Variants in GMDS observed in about 807,000 individuals in gnomAD.
The protein encoded by GMDS is GDP-mannose 4,6 dehydratase.
GMDS carries 20 observed loss-of-function variants against 49.9 expected under a neutral mutation model. The observed-to-expected ratio is 0.40, with a 90% CI of 0.28 to 0.58. The LOEUF (loss-of-function observed/expected upper bound fraction) is 0.58. GMDS is among the 20% of genes least tolerant of loss of function. GMDS has a pLI of 0.42. For missense variants in GMDS, 362 were observed against 481.4 expected (o/e 0.75, Z 2.32); for synonymous variants, 177 against 178.6 (o/e 0.99, Z 0.07).
At position 1,664,217 on chromosome 6, in the gene GMDS, G is replaced by A. The variant is rs75853409; in HGVS notation, c.988-39677C>T. On this transcript the variant is annotated intron_variant, in intron 9 of 10. Transcript: ENST00000380815. The stretch of plus-strand genomic sequence containing the variant: ...ATCTTTATCATTTCTCTGTAAGGCC[G>A]AGAATCTGCCCTTTGCTACTTGAAT... Among the ~76,000 whole-genome samples, 503 of 152,254 alleles carry A rather than the reference G, an allele frequency of 3.3e-3. 15 individuals carry two copies. In the East Asian group the frequency reaches 0.076, roughly 23 times the overall value.
At chr6:2,171,030 T>C (rs1777980936) in intron 1 of GMDS, among the ~76,000 whole-genome samples, 1 of 152,086 alleles carries the variant, frequency 6.6e-6, no homozygotes, top group South Asian at 2.1e-4. Context: ...AACAAGTATG[T>C]ATCAGACTGA....
intron 4 of GMDS, among the ~76,000 whole-genome samples, chr6:2,066,063 C>T (rs999731044): frequency 2.0e-5 from 3 of 151,928 alleles, no homozygotes; most frequent in Admixed American, 1.3e-4. Context: ...TCAGACTAAG[C>T]GGATCTCTCG....
intron 7 of GMDS, among the ~76,000 whole-genome samples, chr6:1,752,334 G>C (rs1187948505): frequency 1.3e-5 from 2 of 152,124 alleles, no homozygotes; most frequent in Non-Finnish European, 2.9e-5. Flanking sequence ...CAAGATTAGA[G>C]AAAAAAGAAT....
intron 7 of GMDS, among the ~76,000 whole-genome samples, chr6:1,854,657 T>G (rs957134580): frequency 6.6e-6 from 1 of 152,186 alleles, no homozygotes; most frequent in South Asian, 2.1e-4. Context: ...GCCATTCTCA[T>G]TCAGCATGTG....
At chr6:2,132,705 CATGA>C (rs1294334047) in intron 1 of GMDS, among the ~76,000 whole-genome samples, 1 of 152,176 alleles carries the variant, frequency 6.6e-6, no homozygotes, top group East Asian at 1.9e-4. Flanking sequence ...ACCACACGAG[CATGA>C]AATCAGGATT....
chr6:1,663,904 G>A (rs149821673), intron 9 of GMDS, among the ~76,000 whole-genome samples: 1 of 152,212 alleles, frequency 6.6e-6, no homozygotes, highest in Non-Finnish European at 1.5e-5. Flanking sequence ...CTGTATGAAT[G>A]GGAGCATGTA....
At chr6:1,787,023 C>T (rs13218987) in intron 7 of GMDS, among the ~76,000 whole-genome samples, 2 of 152,172 alleles carry the variant, frequency 1.3e-5, no homozygotes, top group Non-Finnish European at 2.9e-5. Flanking sequence ...CGCAGCCACT[C>T]ATGACTCTCC....
chr6:1,845,838 A>G (rs1757380042), intron 7 of GMDS, among the ~76,000 whole-genome samples: 1 of 152,010 alleles, frequency 6.6e-6, no homozygotes, highest in Admixed American at 6.5e-5. Flanking sequence ...AGGCTTTTCC[A>G]CCACTCACCT....
intron 9 of GMDS, among the ~76,000 whole-genome samples, chr6:1,715,962 A>G (rs1396671173): frequency 6.6e-6 from 1 of 152,242 alleles, no homozygotes; most frequent in Non-Finnish European, 1.5e-5. Flanking sequence ...CAGGTTTTAG[A>G]TGACGATGTT....
At chr6:1,788,996 G>C (rs1027462917) in intron 7 of GMDS, among the ~76,000 whole-genome samples, 1 of 152,132 alleles carries the variant, frequency 6.6e-6, no homozygotes, top group Non-Finnish European at 1.5e-5. Flanking sequence ...ATAACCAACT[G>C]GTTATAAACC....
At chr6:1,636,495 G>T (rs562583805) in intron 9 of GMDS, among the ~76,000 whole-genome samples, 1 of 152,204 alleles carries the variant, frequency 6.6e-6, no homozygotes, top group East Asian at 1.9e-4. Context: ...ACAAGGAAGC[G>T]TGCAGCATGA....
chr6:2,088,515 A>C (rs1027362689), intron 4 of GMDS, among the ~76,000 whole-genome samples: 1 of 152,204 alleles, frequency 6.6e-6, no homozygotes, highest in Non-Finnish European at 1.5e-5. Flanking sequence ...CAGTCTCGAA[A>C]TTCCTTAAGT....
chr6:1,728,292 A>T (rs3800028), intron 8 of GMDS, among the ~76,000 whole-genome samples: 34,717 of 152,128 alleles, frequency 0.23, 4,495 homozygotes, highest in East Asian at 0.31. Context: ...TTTTAAAAAA[A>T]TTTTGGTTAG....
At chr6:2,079,165 A>G (rs1772526787) in intron 4 of GMDS, among the ~76,000 whole-genome samples, 1 of 151,038 alleles carries the variant, frequency 6.6e-6, no homozygotes, top group African/African-American at 2.4e-5. Flanking sequence ...TACATGTGCC[A>G]TTATAGGTAA....
At chr6:1,969,557 T>C (rs1321902892) in intron 4 of GMDS, among the ~76,000 whole-genome samples, 3 of 152,148 alleles carry the variant, frequency 2.0e-5, no homozygotes, top group Non-Finnish European at 4.4e-5. Context: ...CAAAATTGCT[T>C]GTAACATACG....
chr6:1,765,765 A>T (rs962914326), intron 7 of GMDS, among the ~76,000 whole-genome samples: 52 of 152,168 alleles, frequency 3.4e-4, no homozygotes, highest in African/African-American at 1.2e-3. Context: ...GTCCTGTGCC[A>T]GATTCTCGCT....
At chr6:1,885,463 T>C (rs1759556550) in intron 7 of GMDS, among the ~76,000 whole-genome samples, 1 of 151,926 alleles carries the variant, frequency 6.6e-6, no homozygotes, top group South Asian at 2.1e-4. Context: ...CAAGGAAGAG[T>C]AGGAGAAACC....
intron 7 of GMDS, among the ~76,000 whole-genome samples, chr6:1,852,580 T>G (rs531369128): frequency 6.6e-6 from 1 of 152,250 alleles, no homozygotes; most frequent in Non-Finnish European, 1.5e-5. Context: ...TTCTTTATAA[T>G]ACTTGCTTTG....
intron 9 of GMDS, among the ~76,000 whole-genome samples, chr6:1,656,931 T>C (rs887014548): frequency 1.3e-5 from 2 of 152,124 alleles, no homozygotes; most frequent in Non-Finnish European, 2.9e-5. Context: ...TTACCTTCAC[T>C]AGCCACAAGG....
Sources: gnomAD v4.1 joint callset for allele counts (sites outside exome capture counted in the v4.1 genomes callset) on GRCh38, gnomAD v4.1.1 for gene constraint, MANE v1.5 for transcripts, NCBI Gene and HGNC (gene_info 2026-07-23, HGNC 2026-07-21) for gene names.